Variants in RBFOX1 observed in about 807,000 individuals in gnomAD.
RBFOX1 encodes the protein RNA binding protein fox-1 homolog 1.
RBFOX1 carries 8 observed loss-of-function variants against 57.7 expected under a neutral mutation model. That is an observed-to-expected ratio of 0.14 (90% CI 0.08 to 0.25). The LOEUF (loss-of-function observed/expected upper bound fraction) is 0.25, where lower values mean the gene tolerates loss of function less well. Ranked by LOEUF, RBFOX1 falls within the 10% of genes least tolerant of loss-of-function variation. The pLI, the probability that RBFOX1 is intolerant of heterozygous loss-of-function variation, is 1.00. For missense variants in RBFOX1, 611 were observed against 548.5 expected (o/e 1.11, Z -1.14); for synonymous variants, 326 against 222.4 (o/e 1.47, Z -4.15).
rs372535401 is a variant in RBFOX1 at position 7,485,934 on chromosome 16, G to A, written c.28-32213G>A. ...CCCATTTATTTACATATTGTTCATGGTTGCTGTTTTGCTACAACTGTGAAG... is the reference window on the plus strand; with the variant it reads ...CCCATTTATTTACATATTGTTCATGATTGCTGTTTTGCTACAACTGTGAAG... On this transcript the variant is annotated intron_variant, in intron 4 of 15. Coordinates refer to ENST00000550418, the MANE Select transcript of RBFOX1 (RefSeq NM_018723.4). Among the ~76,000 whole-genome samples the A allele has an allele frequency of 4.6e-5, 7 of 152,070 alleles. No homozygotes were observed. In the East Asian group the frequency reaches 7.7e-4, roughly 17 times the overall value.
rs377471188 is a variant in RBFOX1, at chr16:7,211,808, C to A, written c.27+159710C>A. ...TCTAGGTTGCTATGAGCTTTCACAT[C>A]TTCCTCTGGTTTATCCCCCGCCCTT... On this transcript the variant is annotated intron_variant, in intron 4 of 15. Coordinates refer to ENST00000550418, the MANE Select transcript of RBFOX1 (RefSeq NM_018723.4). Among the ~76,000 whole-genome samples, 19 of 152,284 alleles carry A rather than the reference C, an allele frequency of 1.2e-4. No homozygotes were observed. In the South Asian group the frequency reaches 3.7e-3, roughly 30 times the overall value.
rs148354762 is a variant in RBFOX1 at position 5,749,245 on chromosome 16, A to G, written c.319-118058A>G. Among the ~76,000 whole-genome samples, 870 of 152,200 alleles carry G rather than the reference A, an allele frequency of 5.7e-3. 7 individuals carry two copies. The highest frequency in any genetic ancestry group is 0.019 in the African/African-American group (795 of 41,526). Reference sequence around the variant, plus strand: ...CTGCCGAGAGATCTGCTGTTAGTCTAATAGGCTTCCCTTTGTGTGTAACCC... The same window carrying G: ...CTGCCGAGAGATCTGCTGTTAGTCTGATAGGCTTCCCTTTGTGTGTAACCC... On this transcript the variant is annotated intron_variant, in intron 3 of 19. Transcript: ENST00000641259.
chr16:7,247,282 G>A (rs1423225451), intron 4 of RBFOX1, among the ~76,000 whole-genome samples: 2 of 152,180 alleles, frequency 1.3e-5, no homozygotes, highest in African/African-American at 4.8e-5. Flanking sequence ...CACACTCGCT[G>A]CCGGTTAACA....
chr16:6,133,662 C>G (rs2096645658), intron 1 of RBFOX1, among the ~76,000 whole-genome samples: 1 of 152,128 alleles, frequency 6.6e-6, no homozygotes, highest in South Asian at 2.1e-4. Flanking sequence ...GAATAAAGGC[C>G]CAAGTCTTTA....
At chr16:7,369,493 CT>C (rs1353247461) in intron 4 of RBFOX1, among the ~76,000 whole-genome samples, 1 of 152,130 alleles carries the variant, frequency 6.6e-6, no homozygotes, top group Non-Finnish European at 1.5e-5. Context: ...TTTTTAATAA[CT>C]CCCTGCATTT....
intron 4 of RBFOX1, among the ~76,000 whole-genome samples, chr16:7,155,712 A>AAAAAAAAT (rs1195367029): frequency 1.3e-5 from 1 of 77,420 alleles, no homozygotes; most frequent in Non-Finnish European, 2.3e-5. Flanking sequence ...AAAAAAAAAA[A>AAAAAAAAT]ATATATATAT....
chr16:5,973,794 C>G (rs964574992), intron 4 of RBFOX1, among the ~76,000 whole-genome samples: 1 of 152,210 alleles, frequency 6.6e-6, no homozygotes, highest in East Asian at 1.9e-4. Flanking sequence ...GGAGCAAGGA[C>G]AAGGATCTGT....
chr16:6,914,032 A>C (rs141494868), intron 3 of RBFOX1, among the ~76,000 whole-genome samples: 1 of 152,326 alleles, frequency 6.6e-6, no homozygotes. Flanking sequence ...AACATTAAGC[A>C]AAAAATAGTG....
At chr16:6,712,472 G>T (rs953368882) in intron 3 of RBFOX1, among the ~76,000 whole-genome samples, 2 of 151,984 alleles carry the variant, frequency 1.3e-5, no homozygotes, top group Admixed American at 1.3e-4. Context: ...CATCTCCCGA[G>T]GACTATTTTC....
chr16:7,202,048 G>T (rs553869577), intron 4 of RBFOX1, among the ~76,000 whole-genome samples: 1 of 152,194 alleles, frequency 6.6e-6, no homozygotes, highest in East Asian at 1.9e-4. Flanking sequence ...TCCTCCCATG[G>T]TCTTTCTCCT....
At chr16:5,782,138 G>A (rs1429701106) in intron 3 of RBFOX1, among the ~76,000 whole-genome samples, 5 of 152,260 alleles carry the variant, frequency 3.3e-5, no homozygotes, top group African/African-American at 9.6e-5. Context: ...TTGAACCCAC[G>A]AAGTGGAGGT....
chr16:6,415,315 C>A (rs1389967249), intron 2 of RBFOX1, among the ~76,000 whole-genome samples: 2 of 150,772 alleles, frequency 1.3e-5, no homozygotes, highest in Non-Finnish European at 2.9e-5. Flanking sequence ...ACTAGTGTTA[C>A]CCCATTTTCA....
intron 4 of RBFOX1, among the ~76,000 whole-genome samples, chr16:7,215,168 C>G (rs1161534333): frequency 6.6e-6 from 1 of 152,284 alleles, no homozygotes; most frequent in East Asian, 1.9e-4. Flanking sequence ...GTTTGGTTTT[C>G]TGTTCCTGTG....
chr16:5,848,317 C>G (rs867358945), intron 3 of RBFOX1, among the ~76,000 whole-genome samples: 7 of 152,182 alleles, frequency 4.6e-5, no homozygotes, highest in East Asian at 1.9e-4. Context: ...ATGGAAACCC[C>G]TAACAAAAAC....
intron 3 of RBFOX1, among the ~76,000 whole-genome samples, chr16:6,841,666 G>A (rs937695121): frequency 1.3e-5 from 2 of 152,078 alleles, no homozygotes; most frequent in Non-Finnish European, 2.9e-5. Flanking sequence ...GTAACAGAGT[G>A]CTTTAGCCCT....
intron 5 of RBFOX1, among the ~76,000 whole-genome samples, chr16:7,524,357 T>A (rs2078198871): frequency 6.6e-6 from 1 of 152,212 alleles, no homozygotes; most frequent in Admixed American, 6.5e-5. Context: ...CAGGCTGAGA[T>A]GAGTCCCTGC....
intron 4 of RBFOX1, among the ~76,000 whole-genome samples, chr16:5,903,778 G>A (rs1463912441): frequency 6.6e-6 from 1 of 152,108 alleles, no homozygotes; most frequent in Non-Finnish European, 1.5e-5. Context: ...TGACTTAGAT[G>A]TTTCTGTGTG....
At chr16:6,153,793 C>T (rs1460237979) in intron 1 of RBFOX1, among the ~76,000 whole-genome samples, 1 of 152,156 alleles carries the variant, frequency 6.6e-6, no homozygotes, top group East Asian at 1.9e-4. Context: ...ACCTCTTCCT[C>T]CCAAAGTGCT....
chr16:6,842,685 G>T, intron 3 of RBFOX1, among the ~76,000 whole-genome samples: 1 of 148,182 alleles, frequency 6.7e-6, no homozygotes, highest in South Asian at 2.1e-4. Context: ...TCAAGTTCTG[G>T]GATACATGTG....
Sources: allele counts gnomAD v4.1 joint callset (sites outside exome capture counted in the v4.1 genomes callset), GRCh38; gene constraint gnomAD v4.1.1; transcripts MANE v1.5; gene names NCBI Gene and HGNC (gene_info 2026-07-23, HGNC 2026-07-21).